PCTP: variants seen among roughly 807,000 people sequenced by gnomAD.
PCTP encodes the protein phosphatidylcholine transfer protein, also known as START domain-containing protein 2.
Under a neutral mutation model 31.0 loss-of-function variants are expected in PCTP, and 27 were observed. That is an observed-to-expected ratio of 0.87 (90% CI 0.64 to 1.20). The LOEUF is 1.20. Among genes scored for constraint, PCTP ranks in the 50% most tolerant of loss-of-function variants. The pLI is 0.00. For synonymous variants in PCTP, 108 were observed against 101.2 expected (o/e 1.07, Z -0.40); for missense variants, 287 against 268.2 (o/e 1.07, Z -0.49).
At chr17:55,781,559 G>A (rs138362004), downstream of PCTP, among the ~76,000 whole-genome samples, 241 of 152,278 alleles carry the variant, frequency 1.6e-3, 7 homozygotes, top group East Asian at 0.043. Flanking sequence ...ACATCATGAT[G>A]TTTCAGTCAA....
Position 55,777,236 on chromosome 17 carries a change from C to G in PCTP, c.*1136C>G, listed in dbSNP as rs747628611. The G allele has an allele frequency of 4.2e-5, 41 of 985,304 alleles. No homozygotes were observed. Among genetic ancestry groups the G allele is most frequent in the Non-Finnish European group, 4.8e-5 (40 of 829,622 alleles). 61.0% of individuals were successfully genotyped at this position (985,304 alleles called of 1,614,324 possible). ...ATTTTAATCACTGTGTATAATGATA[C>G]TGAACCTTGATTAATAACAGAAATT... On this transcript the variant is annotated 3_prime_UTR_variant, in exon 6 of 6. Coordinates refer to ENST00000268896, the MANE Select transcript of PCTP (RefSeq NM_021213.4).
At chr17:55,820,781 C>T (rs1043193642) in intron 3 of PCTP, among the ~76,000 whole-genome samples, 10 of 152,118 alleles carry the variant, frequency 6.6e-5, no homozygotes, top group Non-Finnish European at 1.3e-4. Context: ...ACAGTATGTT[C>T]AACATAATTA....
intron 1 of PCTP, among the ~76,000 whole-genome samples, chr17:55,758,421 C>T (rs920780163): frequency 1.3e-5 from 2 of 152,126 alleles, no homozygotes; most frequent in Non-Finnish European, 2.9e-5. Context: ...TAGAGAGAAA[C>T]ACAGATCCAT....
In PCTP at chr17:55,776,373, A is replaced by G. The variant is rs1911332116; in HGVS notation, c.*273A>G. The G allele has an allele frequency of 5.4e-6, 7 of 1,299,544 alleles. No homozygotes were observed. The highest frequency in any genetic ancestry group is 6.8e-6 in the Non-Finnish European group (7 of 1,027,320). 80.5% of individuals were successfully genotyped at this position (1,299,544 alleles called of 1,614,324 possible). On this transcript the variant is annotated 3_prime_UTR_variant, in exon 6 of 6. Transcript: ENST00000268896. ...GGGCTGCCTTCTTCTACAGTTCAAT[A>G]TGGGGCAGACTAGGGAAACCTTTGC...
At chr17:55,753,211 C>A (rs1357763047) in intron 1 of PCTP, among the ~76,000 whole-genome samples, 1 of 152,190 alleles carries the variant, frequency 6.6e-6, no homozygotes, top group Non-Finnish European at 1.5e-5. Flanking sequence ...GTACTCAGCA[C>A]CCCTCACTTA....
At chr17:55,768,637 T>A (rs1168124639) in intron 2 of PCTP, among the ~76,000 whole-genome samples, 1 of 152,188 alleles carries the variant, frequency 6.6e-6, no homozygotes, top group East Asian at 1.9e-4. Flanking sequence ...CTAGTAGAAC[T>A]AGCTAATAGA....
chr17:55,838,185 C>T (rs1459539973), intron 5 of PCTP, among the ~76,000 whole-genome samples: 1 of 151,896 alleles, frequency 6.6e-6, no homozygotes, highest in African/African-American at 2.4e-5. Context: ...ATATTTCAAT[C>T]CTGTTTAACA....
chr17:55,795,404 G>T (rs1317322972), intron 3 of PCTP, among the ~76,000 whole-genome samples: 2 of 152,020 alleles, frequency 1.3e-5, no homozygotes, highest in Non-Finnish European at 2.9e-5. Context: ...AATGATTTAT[G>T]TCTTTGCATA....
chr17:55,784,507 G>A (rs79926207), intron 2 of PCTP, among the ~76,000 whole-genome samples: 4,138 of 152,132 alleles, frequency 0.027, 187 homozygotes, highest in African/African-American at 0.095. Context: ...AAACAACATT[G>A]AGGAAGTCAA....
intron 1 of PCTP, among the ~76,000 whole-genome samples, chr17:55,753,042 C>T (rs907399265): frequency 6.6e-6 from 1 of 152,216 alleles, no homozygotes; most frequent in South Asian, 2.1e-4. Context: ...TGAGCCACCA[C>T]ACCCAGCCAG....
At chr17:55,754,116 C>T (rs1335359050) in intron 1 of PCTP, among the ~76,000 whole-genome samples, 1 of 152,210 alleles carries the variant, frequency 6.6e-6, no homozygotes, top group African/African-American at 2.4e-5. Flanking sequence ...CGGTGGACGT[C>T]AGCTAGGTGT....
chr17:55,801,805 C>G (rs985957439), intron 3 of PCTP, among the ~76,000 whole-genome samples: 2 of 152,076 alleles, frequency 1.3e-5, no homozygotes, highest in African/African-American at 4.8e-5. Flanking sequence ...ATTGAAAGAA[C>G]AAGAGAAGCA....
chr17:55,807,278 G>C (rs547470099), intron 3 of PCTP, among the ~76,000 whole-genome samples: 12 of 152,260 alleles, frequency 7.9e-5, no homozygotes, highest in African/African-American at 2.9e-4. Context: ...TTCATTAAAG[G>C]CTGAGTTCTC....
downstream of PCTP, among the ~76,000 whole-genome samples, chr17:55,847,767 G>C (rs531928877): frequency 6.6e-5 from 10 of 152,244 alleles, no homozygotes; most frequent in South Asian, 1.7e-3. Context: ...CTTGTTCAAG[G>C]GGGGGTCAGC....
downstream of PCTP, among the ~76,000 whole-genome samples, chr17:55,781,077 C>T (rs571596303): frequency 1.9e-4 from 29 of 152,066 alleles, no homozygotes; most frequent in African/African-American, 6.5e-4. Flanking sequence ...AAAAGAGTGT[C>T]CCTTTGGACC....
chr17:55,821,980 A>G (rs1017272754), intron 3 of PCTP, among the ~76,000 whole-genome samples: 4 of 152,174 alleles, frequency 2.6e-5, no homozygotes, highest in African/African-American at 9.7e-5. Flanking sequence ...AGTGAACTGA[A>G]TTAATTCCTT....
At chr17:55,825,356 G>C (rs928090476), downstream of PCTP, among the ~76,000 whole-genome samples, 1 of 152,156 alleles carries the variant, frequency 6.6e-6, no homozygotes, top group Non-Finnish European at 1.5e-5. Context: ...GTGAATGCTT[G>C]CTTGAAATAG....
chr17:55,785,655 A>G (rs1911722769), intron 2 of PCTP, among the ~76,000 whole-genome samples: 1 of 152,212 alleles, frequency 6.6e-6, no homozygotes, highest in Non-Finnish European at 1.5e-5. Context: ...TTTTTTCTTC[A>G]TAGCAATTAT....
intron 3 of PCTP, among the ~76,000 whole-genome samples, chr17:55,811,445 T>A (rs886959642): frequency 6.6e-6 from 1 of 152,218 alleles, no homozygotes; most frequent in Admixed American, 6.5e-5. Flanking sequence ...TCCTAGGCAG[T>A]GTAAGAGATA....
Sources: gnomAD v4.1 joint callset for allele counts (sites outside exome capture counted in the v4.1 genomes callset) on GRCh38, gnomAD v4.1.1 for gene constraint, MANE v1.5 for transcripts, NCBI Gene and HGNC (gene_info 2026-07-23, HGNC 2026-07-21) for gene names.